ALB: variants seen among roughly 807,000 people sequenced by gnomAD.
ALB encodes the protein serum albumin.
Under a neutral mutation model 74.5 loss-of-function variants are expected in ALB, and 37 were observed. The ratio of observed to expected loss-of-function variants is 0.50; its 90% CI spans 0.38 to 0.65. The LOEUF (loss-of-function observed/expected upper bound fraction) is 0.65. ALB is among the 30% of genes least tolerant of loss of function. The pLI is 0.00. For synonymous variants in ALB, 249 were observed against 251.6 expected, an observed-to-expected ratio of 0.99 and a Z score of 0.10; for missense variants, 685 against 718.7, an observed-to-expected ratio of 0.95 and a Z score of 0.54.
rs761118828 is a variant in ALB, at chr4:73,405,137, G to A, written c.101G>A (p.Arg34Gln). 9.9e-6 allele frequency: 16 copies of A among 1,613,582 alleles called. No individual in the cohort carries two copies. The highest frequency in any genetic ancestry group is 2.2e-5 in the East Asian group (1 of 44,796). ...CCAGACAAGAGTGAGGTTGCTCATCGGTTTAAAGATTTGGGAGAAGAAAAT... is the reference window on the plus strand; with the variant it reads ...CCAGACAAGAGTGAGGTTGCTCATCAGTTTAAAGATTTGGGAGAAGAAAAT... ...RDAHKSEVAH[R>Q]FKDLGEENFK... Residue 34 changes from arginine to glutamine, a missense_variant, in exon 2 of 15, where the codon CGG becomes CAG. By Grantham distance (43) the Arg-to-Gln change is conservative. Coordinates refer to ENST00000295897, the MANE Select transcript of ALB (RefSeq NM_000477.7).
At position 73,421,170 on chromosome 4, in the gene ALB, A is replaced by C; in HGVS notation, c.*102A>C. On this transcript the variant is annotated 3_prime_UTR_variant, in exon 15 of 15. Transcript: ENST00000295897. ...TTTTCTTTTTCGTTGGTGTAAAGCC[A>C]ACACCCTGTCTAAAAAACATAAATT... 1 of 670,654 alleles carries C rather than the reference A, an allele frequency of 1.5e-6. No individual in the cohort carries two copies. The highest frequency in any genetic ancestry group is 2.4e-5 in the Admixed American group (1 of 40,840). The allele number at this position is 670,654 out of a possible 1,614,324, so 41.5% of individuals were successfully genotyped here. A position where few individuals can be genotyped will look rare whatever the true frequency, so the allele number is the denominator to read the frequency against.
At chr4:73,416,474 T>C in intron 10 of ALB, 121 bp downstream of exon 10, 1 of 765,032 alleles carries the variant, frequency 1.3e-6, no homozygotes, top group Non-Finnish European at 2.2e-6. Context: ...CTAATCACTC[T>C]TTGTCAAGAA....
intron 6 of ALB, among the ~76,000 whole-genome samples, chr4:73,411,710 G>C (rs1003824707): frequency 6.6e-6 from 1 of 152,088 alleles, no homozygotes; most frequent in African/African-American, 2.4e-5. Flanking sequence ...AGTCACATCT[G>C]GACTCCAAAC....
chr4:73,409,071 A>G (rs1718803235), intron 4 of ALB: 1 of 577,576 alleles, frequency 1.7e-6, no homozygotes, highest in Non-Finnish European at 3.1e-6. Flanking sequence ...TGTATTACGA[A>G]GATATGTATA....
chr4:73,412,351 T>A (rs750830122), intron 7 of ALB: 1 of 574,362 alleles, frequency 1.7e-6, no homozygotes, highest in Non-Finnish European at 3.2e-6. Context: ...CTCCTTTCAG[T>A]CATGCTCTAA....
At position 73,418,153 on chromosome 4, in the gene ALB, C is replaced by A; in HGVS notation, c.1494C>A (p.Thr498=). Residue 498 remains threonine (T), a synonymous_variant, in exon 12 of 15, where the codon ACC becomes ACA. Coordinates refer to ENST00000295897, the MANE Select transcript of ALB (RefSeq NM_000477.7). Reference sequence around the variant, plus strand: ...AAACGCCAGTAAGTGACAGAGTCACCAAATGCTGCACAGAATCCTTGGTGA... The same window carrying A: ...AAACGCCAGTAAGTGACAGAGTCACAAAATGCTGCACAGAATCCTTGGTGA... ...HEKTPVSDRV[T]KCCTESLVNR... The A allele has an allele frequency of 1.2e-6, 2 of 1,614,116 alleles. No homozygotes were observed. Among genetic ancestry groups the A allele is most frequent in the Non-Finnish European group, 1.7e-6 (2 of 1,180,028 alleles).
In ALB at chr4:73,416,114, G is replaced by A. The variant is rs551083832; in HGVS notation, c.1192-142G>A. On this transcript the variant is annotated intron_variant, in intron 9 of 14. Coordinates refer to ENST00000295897, the MANE Select transcript of ALB (RefSeq NM_000477.7). ...CAAATAAATAGTTCGAATGTATTGT[G>A]ACAGAGCGGCATTGATATTCATCTA... 2.1e-5 allele frequency: 14 copies of A among 667,784 alleles called. No homozygotes were observed. In the East Asian group the frequency reaches 4.0e-4, roughly 19 times the overall value. The allele number at this position is 667,784 out of a possible 1,614,324, so 41.4% of individuals were successfully genotyped here. A position where few individuals can be genotyped will look rare whatever the true frequency, so the allele number is the denominator to read the frequency against.
At position 73,413,525 on chromosome 4, in the gene ALB, G is replaced by A. The variant is rs1251362716; in HGVS notation, c.949G>A (p.Val317Met). ...GGAAAAATCCCACTGCATTGCCGAA[G>A]TGGAAAATGATGAGATGCCTGCTGA... is the stretch of plus-strand genomic sequence containing the variant. ...LLEKSHCIAEVENDEMPADLP... is the reference protein window; with the variant it reads ...LLEKSHCIAEMENDEMPADLP... Residue 317 changes from valine (V) to methionine (M), a missense_variant, in exon 8 of 15, where the codon GTG becomes ATG. Coordinates refer to ENST00000295897, the MANE Select transcript of ALB (RefSeq NM_000477.7). 1 of 1,614,216 alleles carries A rather than the reference G, an allele frequency of 6.2e-7. No homozygotes were observed.
intron 13 of ALB, among the ~76,000 whole-genome samples, chr4:73,419,936 ATTAAT>A (rs1178293163): frequency 6.6e-6 from 1 of 152,232 alleles, no homozygotes; most frequent in Non-Finnish European, 1.5e-5. Flanking sequence ...AAATCAAAAC[ATTAAT>A]TTATTTAAAC....
rs781686916 is a variant in ALB at position 73,413,627 on chromosome 4, C to G, written c.1051C>G (p.Leu351Val). ...KNYAEAKDVF[L>V]GMFLYEYARR... is the part of the protein sequence containing the mutation. ...CTATGCTGAGGCAAAGGATGTCTTC[C>G]TGGGCATGTAAGTAGATAAGAAATT... The change falls in exon 8 of 15, where the codon CTG becomes GTG. Residue 351 changes from leucine to valine, a missense_variant. Coordinates refer to ENST00000295897, the MANE Select transcript of ALB (RefSeq NM_000477.7). 6.2e-7 allele frequency: 1 copy of G among 1,613,912 alleles called. No homozygotes were observed. The highest frequency in any genetic ancestry group is 1.3e-5 in the African/African-American group (1 of 74,932).
At position 73,413,583 on chromosome 4, in the gene ALB, G is replaced by A. The variant is rs1718933020; in HGVS notation, c.1007G>A (p.Ser336Asn). ...LPSLAADFVE[S>N]KDVCKNYAEA... Reference sequence around the variant, plus strand: ...TCATTAGCTGCTGATTTTGTTGAAAGTAAGGATGTTTGCAAAAACTATGCT... The same window carrying A: ...TCATTAGCTGCTGATTTTGTTGAAAATAAGGATGTTTGCAAAAACTATGCT... The change falls in exon 8 of 15, where the codon AGT (serine) becomes AAT (asparagine). Residue 336 changes from serine (S) to asparagine (N), a missense_variant. Physicochemically the swap from Ser to Asn is conservative, Grantham distance 46. Coordinates refer to ENST00000295897, the MANE Select transcript of ALB (RefSeq NM_000477.7). The A allele has an allele frequency of 6.2e-7, 1 of 1,614,068 alleles. No individual in the cohort carries two copies. The highest frequency in any genetic ancestry group is 1.1e-5 in the South Asian group (1 of 91,092).
At chr4:73,416,465 TA>T in intron 10 of ALB, 112 bp downstream of exon 10, 2 of 791,172 alleles carry the variant, frequency 2.5e-6, no homozygotes, top group East Asian at 2.8e-5. Context: ...TGCATATTTC[TA>T]ATCACTCTTT....
In ALB at chr4:73,404,347, T is replaced by C. The variant is rs1285476259; in HGVS notation, c.20T>C (p.Ile7Thr). 1 of 1,613,648 alleles carries C rather than the reference T, an allele frequency of 6.2e-7. No individual in the cohort carries two copies. The highest frequency in any genetic ancestry group is 8.5e-7 in the Non-Finnish European group (1 of 1,179,748). Residue 7 changes from isoleucine (I) to threonine (T), a missense_variant, in exon 1 of 15, where the codon ATT (isoleucine) becomes ACT (threonine). By Grantham distance (89) the Ile-to-Thr change is moderately conservative. Transcript: ENST00000295897. ...GGCACAATGAAGTGGGTAACCTTTATTTCCCTTCTTTTTCTCTTTAGCTCG... is the reference window on the plus strand; with the variant it reads ...GGCACAATGAAGTGGGTAACCTTTACTTCCCTTCTTTTTCTCTTTAGCTCG... Reference protein sequence around the residue: MKWVTFISLLFLFSSAY... With the variant: MKWVTFTSLLFLFSSAY...
rs368276725 is a variant in ALB at position 73,406,699 on chromosome 4, G to A, written c.208G>A (p.Val70Ile). Residue 70 changes from valine (V) to isoleucine (I), a missense_variant, in exon 3 of 15, where the codon GTA becomes ATA. By Grantham distance (29) the Val-to-Ile change is conservative. Coordinates refer to ENST00000295897, the MANE Select transcript of ALB (RefSeq NM_000477.7). ...AGATCATGTAAAATTAGTGAATGAA[G>A]TAACTGAATTTGCAAAAACATGTGT... ...FEDHVKLVNE[V>I]TEFAKTCVAD... The A allele has an allele frequency of 6.6e-5, 107 of 1,613,752 alleles. No homozygotes were observed. Among genetic ancestry groups the A allele is most frequent in the Non-Finnish European group, 8.8e-5 (104 of 1,179,944 alleles).
At chr4:73,410,237 C>A in intron 5 of ALB, 75 bp from the exon 6 acceptor site, 3 of 1,139,936 alleles carry the variant, frequency 2.6e-6, no homozygotes, top group Non-Finnish European at 4.0e-6. Context: ...TTGGCACAGT[C>A]TCATCTGAGC....
In ALB at chr4:73,417,517, C is replaced by G. The variant is rs1403152311; in HGVS notation, c.1290-14C>G. 1.2e-6 allele frequency: 2 copies of G among 1,613,888 alleles called. No individual in the cohort carries two copies. Among genetic ancestry groups the G allele is most frequent in the South Asian group, 2.2e-5 (2 of 91,074 alleles). ...TTCTTGCCTTGCTGAAAACACATGACTTCTTTTTTTCAGGCTATTAGTTCG... is the reference window on the plus strand; with the variant it reads ...TTCTTGCCTTGCTGAAAACACATGAGTTCTTTTTTTCAGGCTATTAGTTCG... On this transcript the variant is annotated splice_polypyrimidine_tract_variant and intron_variant, in intron 10 of 14. Coordinates refer to ENST00000295897, the MANE Select transcript of ALB (RefSeq NM_000477.7).
At chr4:73,416,136 T>C in intron 9 of ALB, 120 bp from the exon 10 acceptor site, 1 of 722,214 alleles carries the variant, frequency 1.4e-6, no homozygotes, top group Admixed American at 2.1e-5. Context: ...TTGATATTCA[T>C]CTATTCATGT....
At chr4:73,404,968 C>G (rs1247165863) in intron 1 of ALB, 148 bp from the exon 2 acceptor site, 1 of 692,608 alleles carries the variant, frequency 1.4e-6, no homozygotes, top group Non-Finnish European at 2.5e-6. Context: ...AATTGAACAT[C>G]ATCCTGAGTT....
chr4:73,406,735 T>A lies in ALB; in HGVS notation c.244T>A (p.Ser82Thr). 1 of 1,613,836 alleles carries A rather than the reference T, an allele frequency of 6.2e-7. No individual in the cohort carries two copies. Among genetic ancestry groups the A allele is most frequent in the Non-Finnish European group, 8.5e-7 (1 of 1,179,938 alleles). The change falls in exon 3 of 15, where the codon TCA becomes ACA. Residue 82 changes from serine (S) to threonine (T), a missense_variant. By Grantham distance (58) the Ser-to-Thr change is moderately conservative. Transcript: ENST00000295897. ...EFAKTCVADE[S>T]AENCDKSLHT... ...TGCAAAAACATGTGTTGCTGATGAGTCAGCTGAAAATTGTGACAAATCACT... is the reference window on the plus strand; with the variant it reads ...TGCAAAAACATGTGTTGCTGATGAGACAGCTGAAAATTGTGACAAATCACT...
Sources: gnomAD v4.1 joint callset for allele counts (sites outside exome capture counted in the v4.1 genomes callset) on GRCh38, gnomAD v4.1.1 for gene constraint, MANE v1.5 for transcripts, NCBI Gene and HGNC (gene_info 2026-07-23, HGNC 2026-07-21) for gene names.